C10orf105: variants seen among roughly 807,000 people sequenced by gnomAD.
The protein encoded by C10orf105 is chromosome 10 open reading frame 105.
In C10orf105, 2 loss-of-function variants were observed where a neutral mutation model predicts 0.6. The observed-to-expected ratio is 3.18, with a 90% CI of 1.30 to 10.01. The LOEUF is 10.01. C10orf105 is among the 30% of genes most tolerant of loss of function. The pLI, the probability that C10orf105 is intolerant of heterozygous loss-of-function variation, is 0.04. For missense variants in C10orf105, 209 were observed against 191.4 expected (o/e 1.09, Z -0.54); for synonymous variants, 95 against 82.4 (o/e 1.15, Z -0.83).
upstream of C10orf105, chr10:71,724,097 T>A: frequency 1.9e-6 from 3 of 1,558,026 alleles, no homozygotes; most frequent in Non-Finnish European, 2.6e-6. Flanking sequence ...TGGTACCGCA[T>A]CCTCCATGGT....
intron 1 of C10orf105, chr10:71,734,140 C>T (rs890497726): frequency 8.4e-6 from 8 of 955,264 alleles, no homozygotes; most frequent in African/African-American, 1.6e-5. Flanking sequence ...GAAGTTATGC[C>T]GGACAGAGGA....
At position 71,734,308 on chromosome 10, in the gene C10orf105, A is replaced by G. The variant is rs1189743723; in HGVS notation, c.-6+3420T>C. ...ACTTCTATACCTTGACAGTGGTGGC[A>G]GATGACGGCGGCCCCAAGGTGGACT... On this transcript the variant is annotated intron_variant, in intron 1 of 1. Coordinates refer to the C10orf105 transcript ENST00000398786. The G allele has an allele frequency of 6.2e-7, 1 of 1,611,964 alleles. No homozygotes were observed. The highest frequency in any genetic ancestry group is 8.5e-7 in the Non-Finnish European group (1 of 1,179,068).
upstream of C10orf105, among the ~76,000 whole-genome samples, chr10:71,723,430 A>G (rs1355264382): frequency 6.6e-6 from 1 of 152,162 alleles, no homozygotes. Flanking sequence ...CAAGCCCACC[A>G]GAGGAAACAC....
At chr10:71,716,372 G>A in intron 1 of C10orf105, 30 bp from the exon 2 acceptor site, 11 of 1,453,968 alleles carry the variant, frequency 7.6e-6, no homozygotes, top group Non-Finnish European at 1.0e-5. Flanking sequence ...GAAGCTCAAA[G>A]GCAGATCAGC....
chr10:71,715,716 C>G lies in C10orf105; in HGVS notation c.*220G>C. 1 of 421,036 alleles carries G rather than the reference C, an allele frequency of 2.4e-6. No homozygotes were observed. The highest frequency in any genetic ancestry group is 4.2e-6 in the Non-Finnish European group (1 of 237,870). 26.1% of individuals were successfully genotyped at this position (421,036 alleles called of 1,614,324 possible). On this transcript the variant is annotated 3_prime_UTR_variant, in exon 2 of 2. Coordinates refer to ENST00000441508, the MANE Select transcript of C10orf105 (RefSeq NM_001164375.3). ...CATCTCTTGACCAGAAGTCTTTCAT[C>G]AAGCAGCAGCGAGGGGGTCTGCAGA...
At chr10:71,718,790 G>A (rs1866411470) in intron 1 of C10orf105, among the ~76,000 whole-genome samples, 6 of 152,206 alleles carry the variant, frequency 3.9e-5, no homozygotes, top group Admixed American at 3.9e-4. Context: ...AGTGAGGCCA[G>A]GCGTGTTGGC....
chr10:71,730,055 C>T (rs549547680), intron 1 of C10orf105, among the ~76,000 whole-genome samples: 4 of 152,182 alleles, frequency 2.6e-5, no homozygotes, highest in African/African-American at 7.2e-5. Flanking sequence ...AGGATGGTCT[C>T]GATCTTCTGA....
In C10orf105 at chr10:71,716,043, A is replaced by C; in HGVS notation, c.295T>G (p.Ser99Ala). Reference sequence around the variant, plus strand: ...CGGCCATGGCGGAAGCTGTGCAGGGAGAGGCGCAAGGAGCCCAGGCGCTTC... The same window carrying C: ...CGGCCATGGCGGAAGCTGTGCAGGGCGAGGCGCAAGGAGCCCAGGCGCTTC... ...LWKRLGSLRL[S>A]LHSFRHGRPT... is the part of the protein sequence containing the mutation. Residue 99 changes from serine to alanine, a missense_variant, in exon 2 of 2, where the codon TCC becomes GCC. Transcript: ENST00000441508. The C allele has an allele frequency of 6.6e-7, 1 of 1,507,764 alleles. No individual in the cohort carries two copies. Among genetic ancestry groups the C allele is most frequent in the Non-Finnish European group, 8.9e-7 (1 of 1,125,496 alleles). The allele number at this position is 1,507,764 out of a possible 1,614,324, so 93.4% of individuals were successfully genotyped here.
chr10:71,713,001 C>T lies in C10orf105; in HGVS notation c.*2935G>A, dbSNP rs990732763. ...CCTCTCCCATCCCAGGGAGTGTGGG[C>T]CCCCAGGTTGCAGAGCTGAGGATAG... On this transcript the variant is annotated 3_prime_UTR_variant, in exon 2 of 2. Coordinates refer to ENST00000441508, the MANE Select transcript of C10orf105 (RefSeq NM_001164375.3). 2 of 772,410 alleles carry T rather than the reference C, an allele frequency of 2.6e-6. No homozygotes were observed. The highest frequency in any genetic ancestry group is 2.3e-6 in the Non-Finnish European group (1 of 440,876). The allele number at this position is 772,410 out of a possible 1,614,324, so 47.8% of individuals were successfully genotyped here.
rs181847383 is a variant in C10orf105 at position 71,731,716 on chromosome 10, G to C, written c.-6+6012C>G. Among the ~76,000 whole-genome samples, 6 of 152,208 alleles carry C rather than the reference G, an allele frequency of 3.9e-5. No homozygotes were observed. In the East Asian group the frequency reaches 1.2e-3, roughly 29 times the overall value. On this transcript the variant is annotated intron_variant, in intron 1 of 1. Transcript: ENST00000398786. ...GAGGTACATGAGCTTGAATTTTGAG[G>C]CTCCAGGAGCAGACCCAACTCTTTC... is the stretch of plus-strand genomic sequence containing the variant.
upstream of C10orf105, among the ~76,000 whole-genome samples, chr10:71,721,354 C>T (rs979725142): frequency 6.6e-5 from 10 of 152,164 alleles, no homozygotes; most frequent in Admixed American, 6.5e-4. Flanking sequence ...CCAGAGGGCT[C>T]TCTGGAGAAG....
chr10:71,715,983 C>G lies in C10orf105; in HGVS notation c.355G>C (p.Glu119Gln). The change falls in exon 2 of 2, where the codon GAG (glutamate) becomes CAG (glutamine). Residue 119 changes from glutamate to glutamine, a missense_variant. Physicochemically the swap from Glu to Gln is conservative, Grantham distance 29. Coordinates refer to ENST00000441508, the MANE Select transcript of C10orf105 (RefSeq NM_001164375.3). ...TAGTCACAGTGGCTGCGGTTGTCCT[C>G]GGGGCCCGGCAGGGGCTGTCGAGGG... ...TVPRQPLPGP[E>Q]DNRSHCDYME... 1 of 1,491,438 alleles carries G rather than the reference C, an allele frequency of 6.7e-7. No homozygotes were observed. The highest frequency in any genetic ancestry group is 8.9e-7 in the Non-Finnish European group (1 of 1,120,680). The allele number at this position is 1,491,438 out of a possible 1,614,324, so 92.4% of individuals were successfully genotyped here. A position where few individuals can be genotyped will look rare whatever the true frequency, so the allele number is the denominator to read the frequency against.
At chr10:71,734,740 C>CCCACCT in intron 1 of C10orf105, 1 of 878,396 alleles carries the variant, frequency 1.1e-6, no homozygotes, top group Non-Finnish European at 1.7e-6. Context: ...CCTGGACCTT[C>CCCACCT]CCACCTCTCC....
chr10:71,730,389 G>A, intron 1 of C10orf105: 1 of 1,538,698 alleles, frequency 6.5e-7, no homozygotes, highest in Non-Finnish European at 8.8e-7. Flanking sequence ...GACCACACAA[G>A]GCGGCCACAG....
At chr10:71,729,983 C>T (rs979190015) in intron 1 of C10orf105, among the ~76,000 whole-genome samples, 11 of 151,892 alleles carry the variant, frequency 7.2e-5, no homozygotes, top group South Asian at 4.2e-4. Context: ...TACAGGCGCC[C>T]GCCACCACGC....
intron 1 of C10orf105, among the ~76,000 whole-genome samples, chr10:71,726,657 T>C (rs1367596415): frequency 6.6e-6 from 1 of 152,264 alleles, no homozygotes; most frequent in Non-Finnish European, 1.5e-5. Context: ...ATAGCCATGC[T>C]GGCTTGCATG....
rs963091321 is a variant in C10orf105, at chr10:71,715,311, ATGCTTGGAGAGCCCTGTT to A, written c.*607_*624del. ...GGCCACCAAGACGGCTGCCAAGACC[ATGCTTGGAGAGCCCTGTT>A]TGCTCCTCCTCCCAGCTGGCACCCA... On this transcript the variant is annotated 3_prime_UTR_variant, in exon 2 of 2. Transcript: ENST00000441508. The A allele has an allele frequency of 3.3e-5, 5 of 152,186 alleles. No individual in the cohort carries two copies. Among genetic ancestry groups the A allele is most frequent in the Non-Finnish European group, 5.9e-5 (4 of 68,052 alleles). The allele number at this position is 152,186 out of a possible 1,614,324, so 9.4% of individuals were successfully genotyped here.
Position 71,716,081 on chromosome 10 carries a change from TG to T in C10orf105, c.256del (p.Gln86SerfsTer106). On this transcript the variant is annotated frameshift_variant, in exon 2 of 2. Transcript: ENST00000441508. LOFTEE classifies it low-confidence loss of function (END_TRUNC). ...PHHPGSPSEP[Q>X]LRLWKRLGSL... The stretch of plus-strand genomic sequence containing the variant: ...GCCCAGGCGCTTCCAGAGCCGGAGC[TG>T]GGGCTCACTGGGGCTCCCAGGGTGG... The T allele has an allele frequency of 6.6e-7, 1 of 1,526,016 alleles. No individual in the cohort carries two copies. The highest frequency in any genetic ancestry group is 1.2e-5 in the South Asian group (1 of 81,260). 94.5% of individuals were successfully genotyped at this position (1,526,016 alleles called of 1,614,324 possible).
chr10:71,735,027 G>C (rs1839518541), intron 1 of C10orf105, among the ~76,000 whole-genome samples: 1 of 152,228 alleles, frequency 6.6e-6, no homozygotes, highest in African/African-American at 2.4e-5. Flanking sequence ...CTAAAACGAG[G>C]GTCATGCCAG....
Sources: gnomAD v4.1 joint callset for allele counts (sites outside exome capture counted in the v4.1 genomes callset) on GRCh38, gnomAD v4.1.1 for gene constraint, MANE v1.5 for transcripts, NCBI Gene and HGNC (gene_info 2026-07-23, HGNC 2026-07-21) for gene names.